TLK1: variants seen among roughly 807,000 people sequenced by gnomAD.
TLK1 encodes tousled like kinase 1, also known as serine/threonine-protein kinase tousled-like 1.
A neutral mutation model predicts 105.3 loss-of-function variants in TLK1; 24 were observed. That is an observed-to-expected ratio of 0.23 (90% CI 0.17 to 0.32). TLK1 has a LOEUF of 0.32. Ranked by LOEUF, TLK1 falls within the 10% of genes least tolerant of loss-of-function variation. The pLI is 1.00. For missense variants in TLK1, 558 were observed against 910.5 expected (o/e 0.61, Z 4.98); for synonymous variants, 321 against 310.4 (o/e 1.03, Z -0.36).
intron 18 of TLK1, among the ~76,000 whole-genome samples, chr2:171,003,940 C>A: frequency 6.6e-6 from 1 of 151,942 alleles, no homozygotes; most frequent in East Asian, 1.9e-4. Context: ...CGTGACATAC[C>A]TTTTTCTTAA....
chr2:171,082,344 C>T (rs996361739), intron 3 of TLK1, among the ~76,000 whole-genome samples: 2 of 151,644 alleles, frequency 1.3e-5, no homozygotes, highest in Admixed American at 1.3e-4. Context: ...TGAAAACCAG[C>T]AGCATGATTC....
intron 1 of TLK1, among the ~76,000 whole-genome samples, chr2:171,198,719 G>C (rs921896969): frequency 6.6e-6 from 1 of 152,140 alleles, no homozygotes; most frequent in African/African-American, 2.4e-5. Context: ...AATTATAAAC[G>C]GCCTTTAAAC....
intron 3 of TLK1, among the ~76,000 whole-genome samples, chr2:171,067,326 G>GC (rs1553471898): frequency 1.3e-5 from 2 of 150,130 alleles, no homozygotes; most frequent in African/African-American, 4.9e-5. Context: ...CACCCAGCTT[G>GC]TTTTTTTTGT....
At chr2:171,116,430 G>A (rs1690429696) in intron 2 of TLK1, among the ~76,000 whole-genome samples, 2 of 152,132 alleles carry the variant, frequency 1.3e-5, no homozygotes, top group Non-Finnish European at 2.9e-5. Context: ...GCCGACCGTG[G>A]TGGCTCACGC....
chr2:171,098,541 T>G (rs1689551122), intron 2 of TLK1, among the ~76,000 whole-genome samples: 2 of 152,150 alleles, frequency 1.3e-5, no homozygotes, highest in African/African-American at 4.8e-5. Context: ...ACTGGTAAAT[T>G]CCACCAAATA....
At chr2:171,092,993 C>T (rs1689300557) in intron 2 of TLK1, among the ~76,000 whole-genome samples, 1 of 152,156 alleles carries the variant, frequency 6.6e-6, no homozygotes, top group Non-Finnish European at 1.5e-5. Flanking sequence ...AGAAGGACCA[C>T]ATGACTCCAT....
intron 3 of TLK1, among the ~76,000 whole-genome samples, chr2:171,071,293 C>T (rs900015120): frequency 6.6e-6 from 1 of 151,466 alleles, no homozygotes. Context: ...TCCCATTTGT[C>T]CTTTTTTTTT....
chr2:171,210,391 C>T (rs115573553), intron 1 of TLK1, among the ~76,000 whole-genome samples: 3,358 of 151,948 alleles, frequency 0.022, 125 homozygotes, highest in African/African-American at 0.076. Flanking sequence ...GCTGGGACTA[C>T]AGGCACATAC....
chr2:171,174,917 A>G (rs1692793130), intron 1 of TLK1, among the ~76,000 whole-genome samples: 1 of 152,172 alleles, frequency 6.6e-6, no homozygotes, highest in African/African-American at 2.4e-5. Flanking sequence ...TTTTATTTAT[A>G]AAATGCCTTA....
At chr2:171,016,712 C>T (rs777627522) in intron 12 of TLK1, among the ~76,000 whole-genome samples, 8 of 152,054 alleles carry the variant, frequency 5.3e-5, no homozygotes, top group South Asian at 2.1e-4. Context: ...CTTATCACAC[C>T]GGTACCTAAG....
Position 171,006,208 on chromosome 2 carries a change from C to T in TLK1, c.1843G>A (p.Asp615Asn). The change falls in exon 18 of 21, where the codon GAT becomes AAT. Residue 615 changes from aspartate (D) to asparagine (N), a missense_variant. By Grantham distance (23) the Asp-to-Asn change is conservative (BLOSUM62 1). Transcript: ENST00000431350. The stretch of plus-strand genomic sequence containing the variant: ...CCATCTACACCATAGCTATCATCAT[C>T]CATAATCTTGGACAGACCAAAATCA... ...ITDFGLSKIMDDDSYGVDGMD... is the reference protein window; with the variant it reads ...ITDFGLSKIMNDDSYGVDGMD... The T allele has an allele frequency of 6.2e-7, 1 of 1,611,554 alleles. No individual in the cohort carries two copies. The highest frequency in any genetic ancestry group is 1.7e-5 in the Admixed American group (1 of 59,666).
intron 18 of TLK1, among the ~76,000 whole-genome samples, chr2:170,998,449 CTCTCCT>C (rs1240477309): frequency 6.6e-6 from 1 of 152,176 alleles, no homozygotes; most frequent in African/African-American, 2.4e-5. Context: ...CTCCACTCGG[CTCTCCT>C]TTATCCTCTG....
At chr2:171,217,266 A>G (rs796726553) in intron 1 of TLK1, among the ~76,000 whole-genome samples, 4 of 152,334 alleles carry the variant, frequency 2.6e-5, no homozygotes, top group Admixed American at 6.5e-5. Flanking sequence ...TGCAATGATT[A>G]TAATAAAAAT....
At chr2:171,014,711 C>A (rs1256032986) in intron 13 of TLK1, 140 bp downstream of exon 13, 2 of 626,310 alleles carry the variant, frequency 3.2e-6, no homozygotes, top group East Asian at 2.8e-5. Flanking sequence ...TCATAAAAGG[C>A]CTTCCAAGCC....
At chr2:171,067,316 C>T (rs1429568910) in intron 3 of TLK1, among the ~76,000 whole-genome samples, 1 of 115,034 alleles carries the variant, frequency 8.7e-6, no homozygotes, top group African/African-American at 2.7e-5. Context: ...CCCGCCACCA[C>T]ACCCAGCTTG....
chr2:171,124,000 A>G (rs1316476465), intron 1 of TLK1, among the ~76,000 whole-genome samples: 1 of 152,228 alleles, frequency 6.6e-6, no homozygotes, highest in Non-Finnish European at 1.5e-5. Flanking sequence ...TTTGCCTTTC[A>G]GTATGTCATC....
At chr2:171,100,922 A>G (rs1405044329) in intron 2 of TLK1, among the ~76,000 whole-genome samples, 2 of 152,246 alleles carry the variant, frequency 1.3e-5, no homozygotes, top group Non-Finnish European at 2.9e-5. Context: ...CAACCACCCA[A>G]TGTCCAACAA....
chr2:171,216,431 A>G (rs1180153100), intron 1 of TLK1, among the ~76,000 whole-genome samples: 10 of 152,144 alleles, frequency 6.6e-5, no homozygotes, highest in East Asian at 1.9e-4. Context: ...AGCCGAGATC[A>G]TGCCACTGCA....
intron 2 of TLK1, among the ~76,000 whole-genome samples, chr2:171,108,578 T>C (rs954518197): frequency 6.6e-6 from 1 of 152,078 alleles, no homozygotes; most frequent in Non-Finnish European, 1.5e-5. Context: ...TCAAAAAACA[T>C]ATGCTGTCTA....
Sources: gnomAD v4.1 joint callset for allele counts (sites outside exome capture counted in the v4.1 genomes callset) on GRCh38, gnomAD v4.1.1 for gene constraint, MANE v1.5 for transcripts, NCBI Gene and HGNC (gene_info 2026-07-23, HGNC 2026-07-21) for gene names.